The following LAT2 variants were observed in gnomAD, a reference collection of about 807,000 sequenced individuals.
LAT2 encodes linker for activation of T-cells family member 2.
A neutral mutation model predicts 43.4 loss-of-function variants in LAT2; 23 were observed. The observed-to-expected ratio is 0.53, with a 90% CI of 0.38 to 0.75. The LOEUF (loss-of-function observed/expected upper bound fraction) is 0.75. Ranked by LOEUF, LAT2 falls within the 30% of genes least tolerant of loss-of-function variation. LAT2 has a pLI of 0.00. For missense variants in LAT2, 284 were observed against 310.2 expected (o/e 0.92, Z 0.64); for synonymous variants, 128 against 123.2 (o/e 1.04, Z -0.26).
At chr7:74,218,806 C>T (rs1194192456) in intron 4 of LAT2, among the ~76,000 whole-genome samples, 1 of 152,206 alleles carries the variant, frequency 6.6e-6, no homozygotes, top group Admixed American at 6.6e-5. Flanking sequence ...AAGCGATTCT[C>T]CTGTCTCAGC....
Position 74,224,025 on chromosome 7 carries a change from G to A in LAT2, c.456G>A (p.Gln152=). Residue 152 remains glutamine, a synonymous_variant, in exon 12 of 14, where the codon CAG becomes CAA. Transcript: ENST00000460943. ...CKQKTTETGA[Q]QEGIGGLCRG... ...TATTCTCCCTCTCTGCAGGTGCCCA[G>A]CAGGAGGGCATAGGTGGCCTCTGCA... 6.2e-7 allele frequency: 1 copy of A among 1,613,752 alleles called. No individual in the cohort carries two copies.
intron 1 of LAT2, among the ~76,000 whole-genome samples, 149 bp from the exon 2 acceptor site, chr7:74,214,663 TATATATATAA>T (rs1431475590): frequency 1.5e-5 from 1 of 67,854 alleles, no homozygotes; most frequent in East Asian, 3.6e-4. Context: ...TATATGAAAA[TATATATATAA>T]ATATATATAT....
chr7:74,220,784 A>T lies in LAT2; in HGVS notation c.332+50A>T. The stretch of plus-strand genomic sequence containing the variant: ...CCTGCCTCGCCTCTCCCCCTGCCCC[A>T]CCTCTCCCCCTGCCCCACCTCTCCC... On this transcript the variant is annotated intron_variant, in intron 9 of 13. Coordinates refer to ENST00000460943, the MANE Select transcript of LAT2 (RefSeq NM_032464.3). This position sits in a 1 kb window ranked among gnomAD's most constrained non-coding sequence, Gnocchi z 4.5. 12 of 1,045,936 alleles carry T rather than the reference A, an allele frequency of 1.1e-5. No homozygotes were observed. Among genetic ancestry groups the T allele is most frequent in the Non-Finnish European group, 1.4e-5 (12 of 844,216 alleles). 64.8% of individuals were successfully genotyped at this position (1,045,936 alleles called of 1,614,324 possible).
At chr7:74,224,990 C>A in intron 13 of LAT2, 1 of 385,360 alleles carries the variant, frequency 2.6e-6, no homozygotes, top group Non-Finnish European at 4.8e-6. Flanking sequence ...AAGAAGTGGG[C>A]ACCGGGTGGG....
intron 13 of LAT2, among the ~76,000 whole-genome samples, chr7:74,227,537 CAA>C (rs1802535854): frequency 6.6e-6 from 1 of 151,994 alleles, no homozygotes; most frequent in African/African-American, 2.4e-5. Flanking sequence ...AGGTTTTGTA[CAA>C]AGACTGGCTG....
At chr7:74,226,708 G>C (rs530157380) in intron 13 of LAT2, among the ~76,000 whole-genome samples, 1 of 152,120 alleles carries the variant, frequency 6.6e-6, no homozygotes, top group South Asian at 2.1e-4. Context: ...TTCACTGGTG[G>C]TAAGTCTGGC....
At chr7:74,214,377 A>AATATATATATATATATATGAAC (rs372490464) in intron 1 of LAT2, among the ~76,000 whole-genome samples, 4 of 43,414 alleles carry the variant, frequency 9.2e-5, no homozygotes, top group Non-Finnish European at 1.6e-4. Flanking sequence ...TATATATGAA[A>AATATATATATATATATATGAAC]ATATATATAT....
chr7:74,216,773 T>G (rs1208417800), intron 3 of LAT2, 52 bp from the exon 4 acceptor site: 1 of 1,561,802 alleles, frequency 6.4e-7, no homozygotes, highest in South Asian at 1.1e-5. Flanking sequence ...GTGTCTGACC[T>G]CAGGTCGCAG....
chr7:74,211,132 C>A (rs34364148), intron 1 of LAT2, among the ~76,000 whole-genome samples: 3,446 of 152,344 alleles, frequency 0.023, 54 homozygotes, highest in Non-Finnish European at 0.035. Context: ...CCCCACTCCC[C>A]ACCCCGCCCA....
intron 1 of LAT2, among the ~76,000 whole-genome samples, chr7:74,213,201 C>A (rs891769342): frequency 6.6e-6 from 1 of 152,000 alleles, no homozygotes; most frequent in Non-Finnish European, 1.5e-5. Context: ...TCACTGCAAC[C>A]TCCACCTCCT....
rs60209778 is a variant in LAT2 at position 74,214,361 on chromosome 7, AAT to A, written c.-218-450_-218-449del. 2.3e-4 allele frequency among the ~76,000 whole-genome samples: 10 copies of A among 43,936 alleles called. 1 individual carries two copies. The highest frequency in any genetic ancestry group is 4.5e-4 in the Admixed American group (1 of 2,240). 28.8% of individuals were successfully genotyped at this position (43,936 alleles called of 152,430 possible). A position where few individuals can be genotyped will look rare whatever the true frequency, so the allele number is the denominator to read the frequency against. On this transcript the variant is annotated intron_variant, in intron 1 of 13. Coordinates refer to ENST00000460943, the MANE Select transcript of LAT2 (RefSeq NM_032464.3). ...ATATATATATGAAAATATATATATA[AAT>A]ATATATATATGAAAATATATATATA...
At position 74,220,824 on chromosome 7, in the gene LAT2, C is replaced by T. The variant is rs1201974471; in HGVS notation, c.332+90C>T. On this transcript the variant is annotated intron_variant, in intron 9 of 13. Transcript: ENST00000460943. This position sits in a 1 kb window ranked among gnomAD's most constrained non-coding sequence, Gnocchi z 4.5. ...CCACCTCTCCCCCTGCCCCACCTGCCTGCCACAGCCCTGGGCTTCCTGGTC... is the reference window on the plus strand; with the variant it reads ...CCACCTCTCCCCCTGCCCCACCTGCTTGCCACAGCCCTGGGCTTCCTGGTC... 3 of 1,179,004 alleles carry T rather than the reference C, an allele frequency of 2.5e-6. No individual in the cohort carries two copies. The highest frequency in any genetic ancestry group is 3.1e-5 in the African/African-American group (2 of 64,640). 73.0% of individuals were successfully genotyped at this position (1,179,004 alleles called of 1,614,324 possible).
At chr7:74,213,669 C>A (rs1198792243) in intron 1 of LAT2, among the ~76,000 whole-genome samples, 6 of 151,980 alleles carry the variant, frequency 3.9e-5, no homozygotes, top group Middle Eastern at 3.4e-3. Context: ...GTGATCTGCC[C>A]GCCTTGGCCT....
intron 10 of LAT2, 85 bp downstream of exon 10, chr7:74,221,777 T>G: frequency 8.9e-7 from 1 of 1,119,764 alleles, no homozygotes; most frequent in South Asian, 1.5e-5. Context: ...GAGAGGAGGC[T>G]GGGCCTGGGT....
chr7:74,224,112 T>C lies in LAT2; in HGVS notation c.543T>C (p.Ser181=). The C allele has an allele frequency of 1.2e-6, 2 of 1,614,178 alleles. No homozygotes were observed. Among genetic ancestry groups the C allele is most frequent in the Non-Finnish European group, 1.7e-6 (2 of 1,180,026 alleles). ...KTGPTSGLCP[S]ASPEEDEESE... is the part of the protein sequence containing the mutation. ...GCCCCACTTCTGGTCTCTGTCCCTC[T>C]GCCTCCCCGGAAGAAGATGAGGAAT... The change falls in exon 12 of 14, where the codon TCT becomes TCC. Residue 181 remains serine (S), a synonymous_variant. Coordinates refer to ENST00000460943, the MANE Select transcript of LAT2 (RefSeq NM_032464.3).
At position 74,220,664 on chromosome 7, in the gene LAT2, C is replaced by T; in HGVS notation, c.302-40C>T. ...AAGGGGGAGGCCATGGTGGGGGCCACACCCAGGGGCTCAGGCCCAATTCTC... is the reference window on the plus strand; with the variant it reads ...AAGGGGGAGGCCATGGTGGGGGCCATACCCAGGGGCTCAGGCCCAATTCTC... On this transcript the variant is annotated intron_variant, in intron 8 of 13. Coordinates refer to ENST00000460943, the MANE Select transcript of LAT2 (RefSeq NM_032464.3). The surrounding 1 kb of genome is among the most constrained non-coding windows in gnomAD (Gnocchi z 4.5). The T allele has an allele frequency of 6.2e-7, 1 of 1,613,716 alleles. No homozygotes were observed. Among genetic ancestry groups the T allele is most frequent in the Non-Finnish European group, 8.5e-7 (1 of 1,179,762 alleles).
chr7:74,228,474 TCAAAAACA>T (rs1554716431), intron 13 of LAT2, among the ~76,000 whole-genome samples: 1 of 138,210 alleles, frequency 7.2e-6, no homozygotes, highest in Non-Finnish European at 1.5e-5. Flanking sequence ...AGACTCTGTC[TCAAAAACA>T]CAAAAACAAA....
chr7:74,220,086 C>T lies in LAT2; in HGVS notation c.227+78C>T. 1 of 1,568,616 alleles carries T rather than the reference C, an allele frequency of 6.4e-7. No homozygotes were observed. The highest frequency in any genetic ancestry group is 1.1e-5 in the South Asian group (1 of 87,722). Reference sequence around the variant, plus strand: ...ACCTGGTGAGCCCAGGTCAAGACCTCCCTCCCTCCCCGAGTCCCAGAGCTC... The same window carrying T: ...ACCTGGTGAGCCCAGGTCAAGACCTTCCTCCCTCCCCGAGTCCCAGAGCTC... On this transcript the variant is annotated intron_variant, in intron 6 of 13. Coordinates refer to ENST00000460943, the MANE Select transcript of LAT2 (RefSeq NM_032464.3). The surrounding 1 kb of genome is among the most constrained non-coding windows in gnomAD (Gnocchi z 4.5).
intron 13 of LAT2, chr7:74,226,025 A>G (rs1802469969): frequency 6.6e-6 from 1 of 152,292 alleles, no homozygotes; most frequent in Non-Finnish European, 1.5e-5. Context: ...GGCTGGACAC[A>G]GCGGTCATGC....
Sources: allele counts gnomAD v4.1 joint callset (sites outside exome capture counted in the v4.1 genomes callset), GRCh38; gene constraint gnomAD v4.1.1; non-coding constraint Gnocchi (gnomAD v3.1); transcripts MANE v1.5; gene names NCBI Gene and HGNC (gene_info 2026-07-23, HGNC 2026-07-21).